Variants in SAMD5 observed in about 807,000 individuals in gnomAD.
SAMD5 encodes sterile alpha motif domain-containing protein 5.
SAMD5 carries 13 observed loss-of-function variants against 11.3 expected under a neutral mutation model. The ratio of observed to expected loss-of-function variants is 1.15; its 90% CI spans 0.75 to 1.83. SAMD5 has a LOEUF of 1.83. SAMD5 is among the 40% of genes most tolerant of loss of function. SAMD5 has a pLI of 0.00. For synonymous variants in SAMD5, 129 were observed against 111.3 expected, an observed-to-expected ratio of 1.16 and a Z score of -1.00; for missense variants, 255 against 239.1, an observed-to-expected ratio of 1.07 and a Z score of -0.44.
intron 1 of SAMD5, among the ~76,000 whole-genome samples, chr6:147,728,679 T>C (rs1791664645): frequency 6.6e-6 from 1 of 152,140 alleles, no homozygotes; most frequent in Admixed American, 6.5e-5. Flanking sequence ...GAGTTGTAGA[T>C]AAAAGGAGAC....
the SAMD5 span, among the ~76,000 whole-genome samples, chr6:147,818,704 C>T: frequency 6.6e-6 from 1 of 152,142 alleles, no homozygotes; most frequent in East Asian, 1.9e-4. Flanking sequence ...ACGCCAATGG[C>T]CCGGACCTGT....
At chr6:147,713,233 T>A (rs939494061) in intron 1 of SAMD5, among the ~76,000 whole-genome samples, 2 of 152,224 alleles carry the variant, frequency 1.3e-5, no homozygotes, top group African/African-American at 4.8e-5. Flanking sequence ...AAAATTGTTC[T>A]GCTATGTTTG....
At chr6:147,884,557 C>T in the SAMD5 span, among the ~76,000 whole-genome samples, 1 of 152,168 alleles carries the variant, frequency 6.6e-6, no homozygotes, top group South Asian at 2.1e-4. Flanking sequence ...CTCTAAAGCA[C>T]AGGTAATTTT....
intron 1 of SAMD5, among the ~76,000 whole-genome samples, chr6:147,599,999 TGTGGGACCAGTC>T (rs1159946156): frequency 6.6e-6 from 1 of 151,996 alleles, no homozygotes; most frequent in East Asian, 1.9e-4. Context: ...AGGAGGTGTG[TGTGGGACCAGTC>T]GTGGTCACCC....
At chr6:147,875,206 G>A in the SAMD5 span, among the ~76,000 whole-genome samples, 1 of 152,064 alleles carries the variant, frequency 6.6e-6, no homozygotes, top group African/African-American at 2.4e-5. Flanking sequence ...TACATTATAT[G>A]CACTATTTTT....
At chr6:147,656,129 C>G (rs757338153) in intron 1 of SAMD5, among the ~76,000 whole-genome samples, 1 of 152,030 alleles carries the variant, frequency 6.6e-6, no homozygotes, top group Non-Finnish European at 1.5e-5. Flanking sequence ...AACTGGAAAG[C>G]AATTTTGAAA....
chr6:147,662,830 A>T (rs1356187174), intron 1 of SAMD5, among the ~76,000 whole-genome samples: 4 of 152,250 alleles, frequency 2.6e-5, no homozygotes, highest in Admixed American at 2.6e-4. Flanking sequence ...AATTGGCTAC[A>T]TGTACTACAA....
At chr6:147,635,877 T>A (rs1248274235) in intron 1 of SAMD5, among the ~76,000 whole-genome samples, 1 of 152,212 alleles carries the variant, frequency 6.6e-6, no homozygotes, top group Non-Finnish European at 1.5e-5. Flanking sequence ...TCAGCTCAAC[T>A]ATGCCAATTC....
chr6:147,938,920 C>T, the SAMD5 span, among the ~76,000 whole-genome samples: 4 of 143,012 alleles, frequency 2.8e-5, no homozygotes, highest in African/African-American at 1.1e-4. Flanking sequence ...TCACATGAAC[C>T]CCACAAGTTG....
At chr6:147,884,633 G>C in the SAMD5 span, among the ~76,000 whole-genome samples, 55,130 of 147,698 alleles carry the variant, frequency 0.37, 10,157 homozygotes, top group South Asian at 0.49. Flanking sequence ...GTATAAGATA[G>C]ATTTTAAAAA....
the SAMD5 span, among the ~76,000 whole-genome samples, chr6:147,797,878 ATGG>A: frequency 6.6e-6 from 1 of 150,928 alleles, no homozygotes; most frequent in East Asian, 2.0e-4. Flanking sequence ...GTATTCTCTG[ATGG>A]TAGTTTGTAT....
At chr6:147,672,464 A>T (rs934466904) in intron 1 of SAMD5, among the ~76,000 whole-genome samples, 1 of 152,156 alleles carries the variant, frequency 6.6e-6, no homozygotes, top group Non-Finnish European at 1.5e-5. Flanking sequence ...TTTCACTTAC[A>T]ATGTGTTAGA....
the SAMD5 span, among the ~76,000 whole-genome samples, chr6:147,935,369 G>T: frequency 6.6e-6 from 1 of 152,140 alleles, no homozygotes; most frequent in Non-Finnish European, 1.5e-5. Context: ...CAAATTATGG[G>T]CCAGTCCTCA....
the SAMD5 span, among the ~76,000 whole-genome samples, chr6:147,775,906 G>A: frequency 7.5e-3 from 1,135 of 152,302 alleles, 16 homozygotes; most frequent in African/African-American, 0.026. Context: ...ATTTTATAGT[G>A]TTATTAGGAG....
chr6:147,524,014 G>C (rs914428574), intron 1 of SAMD5, among the ~76,000 whole-genome samples: 1 of 152,196 alleles, frequency 6.6e-6, no homozygotes, highest in East Asian at 1.9e-4. Context: ...TCATTACAGA[G>C]AGTTGGTAGA....
At chr6:147,844,559 T>C in the SAMD5 span, among the ~76,000 whole-genome samples, 1 of 152,284 alleles carries the variant, frequency 6.6e-6, no homozygotes, top group Non-Finnish European at 1.5e-5. Flanking sequence ...TGCAGCATTA[T>C]TCACAATAGC....
intron 1 of SAMD5, among the ~76,000 whole-genome samples, chr6:147,541,799 C>T (rs572395335): frequency 1.6e-4 from 25 of 152,308 alleles, no homozygotes; most frequent in Middle Eastern, 3.4e-3. Context: ...TGAGAAACCT[C>T]CTCAAAATCT....
At chr6:147,605,547 T>G (rs942019422) in intron 1 of SAMD5, among the ~76,000 whole-genome samples, 4 of 152,130 alleles carry the variant, frequency 2.6e-5, no homozygotes, top group Non-Finnish European at 5.9e-5. Flanking sequence ...AAAGAAATAC[T>G]TTTCCAGGTT....
rs1321085681 is a variant in SAMD5 at position 147,585,037 on chromosome 6, C to T, written c.162+75650C>T. Among the ~76,000 whole-genome samples, 6 of 151,738 alleles carry T rather than the reference C, an allele frequency of 4.0e-5. No homozygotes were observed. In the East Asian group the frequency reaches 1.2e-3, roughly 29 times the overall value. Reference sequence around the variant, plus strand: ...GAGAGAGCTCTTCTATAAATTGTACCCACTCATGTTGACTCTATGTGCTTT... The same window carrying T: ...GAGAGAGCTCTTCTATAAATTGTACTCACTCATGTTGACTCTATGTGCTTT... On this transcript the variant is annotated intron_variant, in intron 1 of 1. Transcript: ENST00000566741.
Sources: gnomAD v4.1 joint callset for allele counts (sites outside exome capture counted in the v4.1 genomes callset) on GRCh38, gnomAD v4.1.1 for gene constraint, MANE v1.5 for transcripts, NCBI Gene and HGNC (gene_info 2026-07-23, HGNC 2026-07-21) for gene names.